The following SCAI variants were observed in gnomAD, a reference collection of about 807,000 sequenced individuals.
The protein encoded by SCAI is protein SCAI.
SCAI carries 24 observed loss-of-function variants against 92.2 expected under a neutral mutation model. That is an observed-to-expected ratio of 0.26 (90% CI 0.19 to 0.37). The LOEUF is 0.37. Among genes scored for constraint, SCAI ranks in the 10% least tolerant of loss-of-function variants. The probability of loss-of-function intolerance (pLI) is 1.00; values close to 1 mark genes in which losing one functional copy is unlikely to be tolerated. For missense variants in SCAI, 450 were observed against 736.2 expected, an observed-to-expected ratio of 0.61 and a Z score of 4.50; for synonymous variants, 261 against 258.6, an observed-to-expected ratio of 1.01 and a Z score of -0.09.
chr9:125,002,139 A>G (rs1832374052), intron 11 of SCAI, 96 bp from the exon 12 acceptor site: 4 of 854,396 alleles, frequency 4.7e-6, no homozygotes, highest in Non-Finnish European at 5.9e-6. Context: ...TGTGAAATAA[A>G]TAAGAATGCA....
chr9:125,008,827 C>A (rs1214939199), intron 9 of SCAI, among the ~76,000 whole-genome samples: 2 of 152,004 alleles, frequency 1.3e-5, no homozygotes, highest in Admixed American at 1.3e-4. Flanking sequence ...AGATGAAAGA[C>A]ATAAACCCAT....
chr9:125,109,640 T>C (rs367797145), intron 2 of SCAI, among the ~76,000 whole-genome samples: 4 of 150,070 alleles, frequency 2.7e-5, no homozygotes, highest in African/African-American at 9.8e-5. Flanking sequence ...ACTACTTAAA[T>C]CAAGGTTTCC....
At chr9:125,061,585 G>T (rs995579944) in intron 2 of SCAI, among the ~76,000 whole-genome samples, 1 of 151,994 alleles carries the variant, frequency 6.6e-6, no homozygotes. Flanking sequence ...ACAGTGAAAC[G>T]CTGACTCTAC....
intron 2 of SCAI, among the ~76,000 whole-genome samples, chr9:125,076,668 C>T (rs1834096469): frequency 1.3e-5 from 2 of 151,998 alleles, no homozygotes; most frequent in Non-Finnish European, 2.9e-5. Flanking sequence ...AGTTTGAGAC[C>T]AGTCTGGCCA....
intron 2 of SCAI, among the ~76,000 whole-genome samples, chr9:125,082,348 G>A (rs963199589): frequency 2.6e-5 from 4 of 152,196 alleles, no homozygotes; most frequent in Non-Finnish European, 4.4e-5. Context: ...GTATGGAAAC[G>A]CCTGGATGCC....
At chr9:125,101,202 T>C (rs893838746) in intron 2 of SCAI, among the ~76,000 whole-genome samples, 6 of 152,186 alleles carry the variant, frequency 3.9e-5, no homozygotes, top group Admixed American at 2.0e-4. Context: ...TCAGCTTGTA[T>C]ACTGAAGCAA....
intron 2 of SCAI, among the ~76,000 whole-genome samples, chr9:125,073,696 G>C (rs1834028313): frequency 6.6e-6 from 1 of 152,032 alleles, no homozygotes; most frequent in Non-Finnish European, 1.5e-5. Flanking sequence ...GCAGCAAAAA[G>C]ACACTTATAC....
chr9:125,132,937 C>T (rs1457356213), intron 2 of SCAI, among the ~76,000 whole-genome samples: 1 of 151,996 alleles, frequency 6.6e-6, no homozygotes, highest in Non-Finnish European at 1.5e-5. Flanking sequence ...TGCACTCCAG[C>T]CTGGGCAACA....
chr9:125,018,720 T>A (rs1359651228), intron 9 of SCAI, 79 bp downstream of exon 9: 2 of 1,252,158 alleles, frequency 1.6e-6, no homozygotes, highest in Non-Finnish European at 2.2e-6. Context: ...AGGATATTTA[T>A]AAGAAAATAA....
chr9:125,087,050 T>C (rs1378830639), intron 2 of SCAI, among the ~76,000 whole-genome samples: 1 of 152,078 alleles, frequency 6.6e-6, no homozygotes, highest in East Asian at 1.9e-4. Context: ...CCAGACTGTA[T>C]CAGGCAAACT....
chr9:125,015,499 G>C (rs1033115990), intron 9 of SCAI, among the ~76,000 whole-genome samples: 45 of 152,192 alleles, frequency 3.0e-4, no homozygotes, highest in Non-Finnish European at 7.3e-5. Context: ...TCTCACACCA[G>C]TTAGAATGGC....
chr9:125,077,876 G>A (rs1288768485), intron 2 of SCAI, among the ~76,000 whole-genome samples: 2 of 151,920 alleles, frequency 1.3e-5, no homozygotes, highest in African/African-American at 2.4e-5. Flanking sequence ...CTGCCACCAC[G>A]CCTGGCTAAT....
chr9:125,109,387 GAC>G (rs1425087250), intron 2 of SCAI, among the ~76,000 whole-genome samples: 2 of 151,586 alleles, frequency 1.3e-5, no homozygotes, highest in African/African-American at 4.8e-5. Flanking sequence ...AATAATAAAA[GAC>G]AGGTCTCTGG....
At chr9:124,996,185 G>A (rs1832235493) in intron 13 of SCAI, among the ~76,000 whole-genome samples, 1 of 104,160 alleles carries the variant, frequency 9.6e-6, no homozygotes, top group Non-Finnish European at 1.8e-5. Context: ...TTCCCACACC[G>A]TTACCCTTCG....
At chr9:125,099,822 ATAGTG>A (rs1834641957) in intron 2 of SCAI, among the ~76,000 whole-genome samples, 1 of 152,244 alleles carries the variant, frequency 6.6e-6, no homozygotes, top group South Asian at 2.1e-4. Context: ...TTCATTCAGC[ATAGTG>A]TCTTCAACGT....
intron 2 of SCAI, among the ~76,000 whole-genome samples, chr9:125,093,184 A>C (rs1198839905): frequency 1.3e-5 from 2 of 152,112 alleles, no homozygotes; most frequent in African/African-American, 2.4e-5. Context: ...AACATGGTGA[A>C]ACACTGTCTC....
At chr9:125,140,349 G>GCC in intron 2 of SCAI, among the ~76,000 whole-genome samples, 1 of 151,526 alleles carries the variant, frequency 6.6e-6, no homozygotes, top group South Asian at 2.1e-4. Context: ...CCAACATGTT[G>GCC]AAACCCCGTC....
chr9:125,122,869 G>A (rs997708246), intron 2 of SCAI, among the ~76,000 whole-genome samples: 1 of 152,244 alleles, frequency 6.6e-6, no homozygotes. Flanking sequence ...TCGCACCACC[G>A]CATTGCAGCC....
chr9:125,071,752 AAC>A (rs1180489874), intron 2 of SCAI, among the ~76,000 whole-genome samples: 1 of 152,206 alleles, frequency 6.6e-6, no homozygotes, highest in Non-Finnish European at 1.5e-5. Flanking sequence ...AAAAAAAAAG[AAC>A]ACACAATTGC....
Sources: gnomAD v4.1 joint callset for allele counts (sites outside exome capture counted in the v4.1 genomes callset) on GRCh38, gnomAD v4.1.1 for gene constraint, MANE v1.5 for transcripts, NCBI Gene and HGNC (gene_info 2026-07-23, HGNC 2026-07-21) for gene names.